EPB41L5: variants seen among roughly 807,000 people sequenced by gnomAD.
EPB41L5 encodes band 4.1-like protein 5.
EPB41L5 carries 55 observed loss-of-function variants against 106.6 expected under a neutral mutation model. The observed-to-expected ratio is 0.52, with a 90% CI of 0.42 to 0.65. The LOEUF is 0.65. Ranked by LOEUF, EPB41L5 falls within the 30% of genes least tolerant of loss-of-function variation. The probability of loss-of-function intolerance (pLI) is 0.00; values close to 1 mark genes in which losing one functional copy is unlikely to be tolerated. For missense variants in EPB41L5, 871 were observed against 882.1 expected (o/e 0.99, Z 0.16); for synonymous variants, 297 against 306.7 (o/e 0.97, Z 0.33).
At chr2:120,016,187 T>G (rs1404496340) in intron 1 of EPB41L5, among the ~76,000 whole-genome samples, 1 of 152,150 alleles carries the variant, frequency 6.6e-6, no homozygotes, top group East Asian at 1.9e-4. Flanking sequence ...CCTAGCACTT[T>G]GGGAGGCCGA....
chr2:120,142,897 C>T (rs1266394054), intron 18 of EPB41L5, 106 bp from the exon 19 acceptor site: 4 of 991,934 alleles, frequency 4.0e-6, no homozygotes, highest in Non-Finnish European at 4.5e-6. Context: ...GCTTAAGACA[C>T]ATGATTTCCT....
At chr2:120,061,730 A>G (rs1308370616) in intron 3 of EPB41L5, among the ~76,000 whole-genome samples, 2 of 152,344 alleles carry the variant, frequency 1.3e-5, no homozygotes, top group East Asian at 3.9e-4. Context: ...GTATAACGTG[A>G]TACTGTATAT....
At chr2:120,022,663 A>G (rs1403296803) in intron 2 of EPB41L5, among the ~76,000 whole-genome samples, 2 of 152,176 alleles carry the variant, frequency 1.3e-5, no homozygotes, top group Non-Finnish European at 2.9e-5. Flanking sequence ...GTGTCTTTAC[A>G]GTAAGATGAT....
At chr2:120,064,465 G>GTA (rs1194847845) in intron 3 of EPB41L5, among the ~76,000 whole-genome samples, 2 of 152,098 alleles carry the variant, frequency 1.3e-5, no homozygotes, top group East Asian at 3.9e-4. Context: ...TGGGGTGAGG[G>GTA]TATGTATATG....
At chr2:120,048,102 G>A (rs1679940724) in intron 3 of EPB41L5, among the ~76,000 whole-genome samples, 1 of 112,766 alleles carries the variant, frequency 8.9e-6, no homozygotes, top group Admixed American at 1.0e-4. Flanking sequence ...TGTTCATCAG[G>A]GATATTGGTC....
At chr2:120,076,670 A>G (rs892494592) in intron 7 of EPB41L5, among the ~76,000 whole-genome samples, 6 of 151,954 alleles carry the variant, frequency 3.9e-5, no homozygotes, top group African/African-American at 9.7e-5. Flanking sequence ...TTTATTCACT[A>G]TAAGGTCAGA....
chr2:120,073,662 T>TTGATA (rs1682034754), intron 4 of EPB41L5, among the ~76,000 whole-genome samples: 1 of 152,178 alleles, frequency 6.6e-6, no homozygotes, highest in Non-Finnish European at 1.5e-5. Context: ...CAACTTGACT[T>TTGATA]TTTATCAGAC....
At chr2:120,067,239 C>T (rs1368782399) in intron 3 of EPB41L5, among the ~76,000 whole-genome samples, 1 of 152,188 alleles carries the variant, frequency 6.6e-6, no homozygotes, top group African/African-American at 2.4e-5. Context: ...ATTTTGCTGC[C>T]ACACTGATAG....
At position 120,046,503 on chromosome 2, in the gene EPB41L5, TG is replaced by T. The variant is rs201300230; in HGVS notation, c.285+4394del. Among the ~76,000 whole-genome samples, 1,000 of 149,916 alleles carry T rather than the reference TG, an allele frequency of 6.7e-3. 13 individuals carry two copies. The highest frequency in any genetic ancestry group is 0.017 in the African/African-American group (707 of 40,646). ...CCTTTCGCCCACTTTTTGATGGGGT[TG>T]TTTTTTTTTTTTTCTTGTAAATTTG... On this transcript the variant is annotated intron_variant, in intron 3 of 24. Transcript: ENST00000263713.
At chr2:120,044,356 G>C (rs1184959304) in intron 3 of EPB41L5, among the ~76,000 whole-genome samples, 1 of 152,098 alleles carries the variant, frequency 6.6e-6, no homozygotes, top group Non-Finnish European at 1.5e-5. Flanking sequence ...CAGGTAGTAG[G>C]CACACAAAAC....
intron 21 of EPB41L5, among the ~76,000 whole-genome samples, chr2:120,163,281 AAAG>A (rs1271810490): frequency 6.4e-5 from 9 of 140,996 alleles, no homozygotes; most frequent in Non-Finnish European, 7.7e-5. Flanking sequence ...CCAAAAAAAG[AAAG>A]AAATGTATGA....
intron 20 of EPB41L5, among the ~76,000 whole-genome samples, chr2:120,158,184 A>G (rs1477053285): frequency 6.6e-6 from 1 of 152,220 alleles, no homozygotes; most frequent in Non-Finnish European, 1.5e-5. Flanking sequence ...AAGTGCTGGT[A>G]CCATTACTGC....
intron 3 of EPB41L5, among the ~76,000 whole-genome samples, chr2:120,064,779 T>G (rs548427376): frequency 6.6e-6 from 1 of 152,306 alleles, no homozygotes; most frequent in East Asian, 1.9e-4. Context: ...TAATATAAAC[T>G]CAACTCCTAA....
chr2:120,022,525 T>C (rs926918791), intron 2 of EPB41L5, among the ~76,000 whole-genome samples: 1 of 152,232 alleles, frequency 6.6e-6, no homozygotes, highest in Non-Finnish European at 1.5e-5. Context: ...ATCCTTTTTA[T>C]GGCTGCATAG....
At chr2:120,093,184 G>C (rs1006718776) in intron 13 of EPB41L5, 65 bp from the exon 14 acceptor site, 14 of 1,330,664 alleles carry the variant, frequency 1.1e-5, no homozygotes, top group Non-Finnish European at 1.5e-5. Context: ...GTTTTGCTTT[G>C]AATAGTGCAG....
At chr2:120,107,886 A>G (rs1684540834) in intron 16 of EPB41L5, among the ~76,000 whole-genome samples, 1 of 152,224 alleles carries the variant, frequency 6.6e-6, no homozygotes, top group Admixed American at 6.5e-5. Context: ...AATTCCTGAC[A>G]ATTGCTAATG....
intron 17 of EPB41L5, among the ~76,000 whole-genome samples, chr2:120,129,463 C>T (rs1482774807): frequency 6.6e-6 from 1 of 152,102 alleles, no homozygotes; most frequent in Non-Finnish European, 1.5e-5. Flanking sequence ...TATCTTAATG[C>T]AGAGTATTTC....
intron 20 of EPB41L5, among the ~76,000 whole-genome samples, chr2:120,155,600 C>G (rs1164530951): frequency 1.3e-5 from 2 of 152,040 alleles, no homozygotes; most frequent in African/African-American, 4.8e-5. Flanking sequence ...ATCCCTTTCT[C>G]TTCTCCTTAT....
intron 24 of EPB41L5, among the ~76,000 whole-genome samples, chr2:120,171,703 T>C (rs1285144446): frequency 1.3e-5 from 2 of 152,212 alleles, no homozygotes; most frequent in Non-Finnish European, 2.9e-5. Flanking sequence ...TCTGATGAAA[T>C]TGCCAGGAAT....
Sources: allele counts gnomAD v4.1 joint callset (sites outside exome capture counted in the v4.1 genomes callset), GRCh38; gene constraint gnomAD v4.1.1; transcripts MANE v1.5; gene names NCBI Gene and HGNC (gene_info 2026-07-23, HGNC 2026-07-21).